BRD4: variants seen among roughly 807,000 people sequenced by gnomAD.
The protein encoded by BRD4 is bromodomain-containing protein 4.
In BRD4, 16 loss-of-function variants were observed where a neutral mutation model predicts 142.1. That is an observed-to-expected ratio of 0.11 (90% CI 0.08 to 0.17). BRD4 has a LOEUF of 0.17. Ranked by LOEUF, BRD4 falls within the 10% of genes least tolerant of loss-of-function variation. The pLI is 1.00. For synonymous variants in BRD4, 833 were observed against 707.5 expected (o/e 1.18, Z -2.82); for missense variants, 1,424 against 1,810.9 (o/e 0.79, Z 3.88).
In BRD4 at chr19:15,244,551, G is replaced by A; in HGVS notation, c.2261C>T (p.Pro754Leu). Reference sequence around the variant, plus strand: ...CTGGGGAGGCGGGGGCGGCTGCTGGGGCACAGGAGCCGGGGCCTGCTGCAT... The same window carrying A: ...CTGGGGAGGCGGGGGCGGCTGCTGGAGCACAGGAGCCGGGGCCTGCTGCAT... ...QQMQQAPAPVPQQPPPPPQQP... is the reference protein window; with the variant it reads ...QQMQQAPAPVLQQPPPPPQQP... Residue 754 changes from proline to leucine, a missense_variant, in exon 13 of 20, where the codon CCC (proline) becomes CTC (leucine). Pro to Leu is a moderately conservative substitution (Grantham distance 98). Transcript: ENST00000679869. 1 of 1,600,040 alleles carries A rather than the reference G, an allele frequency of 6.2e-7. No homozygotes were observed. The highest frequency in any genetic ancestry group is 8.5e-7 in the Non-Finnish European group (1 of 1,178,556).
intron 8 of BRD4, among the ~76,000 whole-genome samples, chr19:15,256,562 GAGGGC>G (rs909770758): frequency 6.6e-6 from 1 of 152,212 alleles, no homozygotes; most frequent in African/African-American, 2.4e-5. Context: ...ATCGCAGAAG[GAGGGC>G]CCCTAAGAAT....
chr19:15,239,631 C>A lies in BRD4; in HGVS notation c.3445+28G>T. 6.4e-7 allele frequency: 1 copy of A among 1,562,312 alleles called. No homozygotes were observed. Among genetic ancestry groups the A allele is most frequent in the Non-Finnish European group, 8.6e-7 (1 of 1,163,248 alleles). ...AACACGGGCCTCGGGGGGCCTGAGC[C>A]CTGGCTGTGGGCAGGGAGAGCACTC... On this transcript the variant is annotated intron_variant, in intron 16 of 19. Coordinates refer to ENST00000679869, the MANE Select transcript of BRD4 (RefSeq NM_001379291.1). This position sits in a 1 kb window ranked among gnomAD's most constrained non-coding sequence, Gnocchi z 7.4.
intron 1 of BRD4, among the ~76,000 whole-genome samples, chr19:15,286,959 G>A (rs1262148392): frequency 6.6e-6 from 1 of 152,198 alleles, no homozygotes; most frequent in Non-Finnish European, 1.5e-5. Context: ...CTGCTCTGGG[G>A]CCACAGGGAT....
chr19:15,268,366 G>A (rs1242162315), intron 3 of BRD4: 1 of 153,580 alleles, frequency 6.5e-6, no homozygotes, highest in East Asian at 1.9e-4. Context: ...AGGTCTACAT[G>A]TAGGATCGGG....
intron 1 of BRD4, among the ~76,000 whole-genome samples, chr19:15,322,784 G>A (rs1396732146): frequency 6.7e-6 from 1 of 149,922 alleles, no homozygotes; most frequent in East Asian, 2.0e-4. Flanking sequence ...GGAGAATAGC[G>A]TGAACCTGGG....
chr19:15,303,007 CAAAAAAA>C (rs1213995194), intron 1 of BRD4, among the ~76,000 whole-genome samples: 1 of 57,952 alleles, frequency 1.7e-5, no homozygotes, highest in Non-Finnish European at 3.3e-5. Context: ...GACTCCGTCG[CAAAAAAA>C]AAAAAAAAAA....
At position 15,242,518 on chromosome 19, in the gene BRD4, A is replaced by G. The variant is rs562373977; in HGVS notation, c.3169+382T>C. On this transcript the variant is annotated intron_variant, in intron 14 of 19. Coordinates refer to ENST00000679869, the MANE Select transcript of BRD4 (RefSeq NM_001379291.1). The stretch of plus-strand genomic sequence containing the variant: ...TGGCTCTCCCTGAACTTCATTCTTC[A>G]CTCTGCTAAGTTAGCTGCTACCTGT... Among the ~76,000 whole-genome samples the G allele has an allele frequency of 2.6e-5, 4 of 151,614 alleles. No homozygotes were observed. The East Asian group carries it at 7.8e-4, about 29-fold the overall frequency.
intron 1 of BRD4, among the ~76,000 whole-genome samples, chr19:15,298,619 TCAAAAAAAAAAAAAAAAAAAA>T (rs1271854107): frequency 7.4e-4 from 21 of 28,218 alleles, no homozygotes; most frequent in South Asian, 5.3e-3. Flanking sequence ...AGACTCCAAC[TCAAAAAAAAAAAAAAAAAAAA>T]AAAAAAAAAA....
rs200423808 is a variant in BRD4 at position 15,243,342 on chromosome 19, G to A, written c.2727C>T (p.Pro909=). ...LLPQPPMAQP[P]QVLLEDEEPP... The stretch of plus-strand genomic sequence containing the variant: ...GCTCTTCATCCTCCAGCAGCACTTG[G>A]GGGGGTTGGGCCATGGGGGGCTGTG... Residue 909 remains proline, a synonymous_variant, in exon 14 of 20, where the codon CCC becomes CCT. Transcript: ENST00000679869. 2 of 1,474,200 alleles carry A rather than the reference G, an allele frequency of 1.4e-6. No homozygotes were observed. Among genetic ancestry groups the A allele is most frequent in the Non-Finnish European group, 9.0e-7 (1 of 1,111,526 alleles). 91.3% of individuals were successfully genotyped at this position (1,474,200 alleles called of 1,614,324 possible). A position where few individuals can be genotyped will look rare whatever the true frequency, so the allele number is the denominator to read the frequency against.
intron 1 of BRD4, among the ~76,000 whole-genome samples, chr19:15,279,653 TG>T (rs2047685734): frequency 6.6e-6 from 1 of 152,180 alleles, no homozygotes; most frequent in South Asian, 2.1e-4. Context: ...GGCTTAGTTC[TG>T]GGACTCTAAA....
At chr19:15,325,287 G>A (rs577727058) in intron 1 of BRD4, among the ~76,000 whole-genome samples, 6 of 152,176 alleles carry the variant, frequency 3.9e-5, no homozygotes, top group African/African-American at 1.2e-4. Flanking sequence ...TGAATGTGCC[G>A]TACTGGTGTT....
At position 15,239,139 on chromosome 19, in the gene BRD4, T is replaced by C. The variant is rs757981891; in HGVS notation, c.3702A>G (p.Lys1234=). 2.4e-5 allele frequency: 38 copies of C among 1,611,660 alleles called. No homozygotes were observed. The highest frequency in any genetic ancestry group is 1.1e-4 in the South Asian group (10 of 91,006). The part of the protein sequence containing the change: ...FEQFRRAARE[K]EEREKALKAQ... ...CCTTCAGGGCCTTCTCACGCTCCTC[T>C]TTCTCCCGAGCGGCGCGGCGGAACT... is the stretch of plus-strand genomic sequence containing the variant. Residue 1234 remains lysine (K), a synonymous_variant, in exon 18 of 20, where the codon AAA becomes AAG. Transcript: ENST00000679869. The surrounding 1 kb of genome is among the most constrained non-coding windows in gnomAD (Gnocchi z 7.4).
chr19:15,307,172 A>G (rs1425865718), intron 1 of BRD4, among the ~76,000 whole-genome samples: 5 of 152,192 alleles, frequency 3.3e-5, no homozygotes, highest in Non-Finnish European at 7.3e-5. Context: ...AGTGACACAA[A>G]TCAGAATCAC....
In BRD4 at chr19:15,255,222, G is replaced by T. The variant is rs1340545058; in HGVS notation, c.2047+75C>A. On this transcript the variant is annotated intron_variant, in intron 10 of 19. Coordinates refer to ENST00000679869, the MANE Select transcript of BRD4 (RefSeq NM_001379291.1). ...AAAGGGGGGGGGCGCAGAAAGAGTG[G>T]ACTGAGCAAGGAGGGAAAAGTTACT... 4.2e-6 allele frequency: 6 copies of T among 1,419,856 alleles called. 1 individual carries two copies. In the Admixed American group the frequency reaches 8.9e-5, roughly 21 times the overall value. The allele number at this position is 1,419,856 out of a possible 1,614,324, so 88.0% of individuals were successfully genotyped here. A position where few individuals can be genotyped will look rare whatever the true frequency, so the allele number is the denominator to read the frequency against.
intron 1 of BRD4, among the ~76,000 whole-genome samples, chr19:15,313,415 G>A (rs1477611164): frequency 1.4e-5 from 2 of 141,644 alleles, no homozygotes; most frequent in African/African-American, 2.6e-5. Context: ...GCTCATGCCT[G>A]TAATCCCAGC....
intron 1 of BRD4, among the ~76,000 whole-genome samples, chr19:15,324,158 G>A (rs1004566289): frequency 6.6e-6 from 1 of 152,096 alleles, no homozygotes; most frequent in African/African-American, 2.4e-5. Flanking sequence ...ACAGCCCAAG[G>A]TCCCAGAAAC....
chr19:15,264,452 G>A lies in BRD4; in HGVS notation c.1164C>T (p.His388=), dbSNP rs200443528. 1.2e-5 allele frequency: 20 copies of A among 1,613,762 alleles called. No individual in the cohort carries two copies. Among genetic ancestry groups the A allele is most frequent in the African/African-American group, 5.3e-5 (4 of 74,914 alleles). The change falls in exon 6 of 20, where the codon CAC becomes CAT. Residue 388 remains histidine (H), a synonymous_variant. Transcript: ENST00000679869. ...GGTGCTTGATGATGTCACAGTAGTCGTGTAGGCCCAGTGCCTCCACGTCCA... is the reference window on the plus strand; with the variant it reads ...GGTGCTTGATGATGTCACAGTAGTCATGTAGGCCCAGTGCCTCCACGTCCA... ...KPVDVEALGL[H]DYCDIIKHPM...
intron 14 of BRD4, among the ~76,000 whole-genome samples, chr19:15,241,293 G>A (rs2047235947): frequency 6.6e-6 from 1 of 152,254 alleles, no homozygotes; most frequent in African/African-American, 2.4e-5. Context: ...CACCCAACTA[G>A]GGCAGTGCCT....
intron 8 of BRD4, 118 bp downstream of exon 8, chr19:15,256,846 A>G (rs1357791694): frequency 2.3e-6 from 2 of 864,268 alleles, no homozygotes; most frequent in Admixed American, 5.6e-5. Flanking sequence ...CAGGTGGTCC[A>G]GTGGGAATTA....
Sources: gnomAD v4.1 joint callset for allele counts (sites outside exome capture counted in the v4.1 genomes callset) on GRCh38, gnomAD v4.1.1 for gene constraint, Gnocchi (gnomAD v3.1) non-coding constraint, MANE v1.5 for transcripts, NCBI Gene and HGNC (gene_info 2026-07-23, HGNC 2026-07-21) for gene names.